The following NOS1 variants were observed in gnomAD, a reference collection of about 807,000 sequenced individuals.
The protein encoded by NOS1 is NOS type I.
In NOS1, 51 loss-of-function variants were observed where a neutral mutation model predicts 164.5. The observed-to-expected ratio is 0.31, with a 90% CI of 0.25 to 0.39. The LOEUF is 0.39. Among genes scored for constraint, NOS1 ranks in the 10% least tolerant of loss-of-function variants. The probability of loss-of-function intolerance (pLI) is 1.00; values close to 1 mark genes in which losing one functional copy is unlikely to be tolerated. For missense variants in NOS1, 1,362 were observed against 1,885.6 expected (o/e 0.72, Z 5.14); for synonymous variants, 719 against 745.8 (o/e 0.96, Z 0.59).
intron 1 of NOS1, among the ~76,000 whole-genome samples, chr12:117,333,639 G>C (rs1875658119): frequency 6.6e-6 from 1 of 152,128 alleles, no homozygotes. Flanking sequence ...TGAATCCCCG[G>C]GCTCAGCCTG....
At chr12:117,215,728 C>T (rs542976767) in intron 28 of NOS1, among the ~76,000 whole-genome samples, 9 of 152,236 alleles carry the variant, frequency 5.9e-5, no homozygotes, top group South Asian at 4.1e-4. Context: ...CCACTGCACC[C>T]GGCCCGTCTC....
intron 28 of NOS1, among the ~76,000 whole-genome samples, chr12:117,215,901 A>C (rs1956602370): frequency 8.2e-6 from 1 of 121,934 alleles, no homozygotes; most frequent in Non-Finnish European, 1.6e-5. Flanking sequence ...TTTGAGACTG[A>C]GAGTCTCACT....
chr12:117,222,505 T>C (rs989470081), intron 26 of NOS1, among the ~76,000 whole-genome samples: 4 of 152,034 alleles, frequency 2.6e-5, no homozygotes, highest in Admixed American at 6.5e-5. Flanking sequence ...CCACCTGCCT[T>C]GGCCTCCCAA....
intron 17 of NOS1, among the ~76,000 whole-genome samples, chr12:117,251,054 G>A (rs549102264): frequency 5.3e-5 from 8 of 152,304 alleles, no homozygotes; most frequent in African/African-American, 1.9e-4. Context: ...GCCTTTGGGA[G>A]ATGATTAGGT....
Position 117,218,184 on chromosome 12 carries a change from A to G in NOS1, c.4171-20T>C, listed in dbSNP as rs749519492. ...GTCATCCTAGAAGACAGAAACAGCCAGAAAACAGCTCTCAAATGCCAGATA... is the reference window on the plus strand; with the variant it reads ...GTCATCCTAGAAGACAGAAACAGCCGGAAAACAGCTCTCAAATGCCAGATA... On this transcript the variant is annotated intron_variant, in intron 27 of 28. Coordinates refer to ENST00000317775, the MANE Select transcript of NOS1 (RefSeq NM_000620.5). 2 of 1,570,020 alleles carry G rather than the reference A, an allele frequency of 1.3e-6. No individual in the cohort carries two copies. Among genetic ancestry groups the G allele is most frequent in the Non-Finnish European group, 1.8e-6 (2 of 1,140,012 alleles).
chr12:117,331,252 T>C lies in NOS1; in HGVS notation c.-183A>G. 1 of 675,350 alleles carries C rather than the reference T, an allele frequency of 1.5e-6. No individual in the cohort carries two copies. Among genetic ancestry groups the C allele is most frequent in the Non-Finnish European group, 2.4e-6 (1 of 412,296 alleles). The allele number at this position is 675,350 out of a possible 1,614,324, so 41.8% of individuals were successfully genotyped here. On this transcript the variant is annotated 5_prime_UTR_variant, in exon 2 of 29. Coordinates refer to ENST00000317775, the MANE Select transcript of NOS1 (RefSeq NM_000620.5). ...CTCAGCGTCACCCACTCATGGCTGG[T>C]GGCCCGTCGGTGGCATGATTTCCTG...
At chr12:117,348,586 T>TA (rs1876468636) in intron 1 of NOS1, among the ~76,000 whole-genome samples, 1 of 152,234 alleles carries the variant, frequency 6.6e-6, no homozygotes, top group Non-Finnish European at 1.5e-5. Context: ...TTAGATACTA[T>TA]AGCCTCATCC....
At chr12:117,310,082 A>ACCCAGC in intron 3 of NOS1, among the ~76,000 whole-genome samples, 1 of 151,778 alleles carries the variant, frequency 6.6e-6, no homozygotes, top group South Asian at 2.1e-4. Flanking sequence ...AATTTTTGTT[A>ACCCAGC]TTTTTTTTAG....
chr12:117,248,895 G>A (rs1870870040), intron 17 of NOS1, among the ~76,000 whole-genome samples: 1 of 152,108 alleles, frequency 6.6e-6, no homozygotes, highest in South Asian at 2.1e-4. Flanking sequence ...CATTCTAACT[G>A]GTGTGAGACG....
rs1002341976 is a variant in NOS1, at chr12:117,234,982, G to C, written c.3042-224C>G. Among the ~76,000 whole-genome samples, 3 of 151,956 alleles carry C rather than the reference G, an allele frequency of 2.0e-5. No homozygotes were observed. Among genetic ancestry groups the C allele is most frequent in the Admixed American group, 2.0e-4 (3 of 15,240 alleles). ...CACCCTGGCTGGAGTGCAGTGGTGC[G>C]ATCACGGCTCACTGCAGCCTCTATC... On this transcript the variant is annotated intron_variant, in intron 20 of 28. Transcript: ENST00000317775. The surrounding 1 kb of genome is among the most constrained non-coding windows in gnomAD (Gnocchi z 4.3).
chr12:117,319,633 A>T (rs1874823370), intron 2 of NOS1, among the ~76,000 whole-genome samples: 1 of 151,594 alleles, frequency 6.6e-6, no homozygotes, highest in Non-Finnish European at 1.5e-5. Flanking sequence ...AGTTCTGTGG[A>T]TTTTTTTTTA....
At position 117,208,655 on chromosome 12, in the gene NOS1, T is replaced by C; in HGVS notation, c.*6654A>G. 2.6e-6 allele frequency: 3 copies of C among 1,139,194 alleles called. No individual in the cohort carries two copies. Among genetic ancestry groups the C allele is most frequent in the Non-Finnish European group, 3.3e-6 (3 of 915,744 alleles). 70.6% of individuals were successfully genotyped at this position (1,139,194 alleles called of 1,614,324 possible). A position where few individuals can be genotyped will look rare whatever the true frequency, so the allele number is the denominator to read the frequency against. On this transcript the variant is annotated 3_prime_UTR_variant, in exon 29 of 29. Transcript: ENST00000317775. Reference sequence around the variant, plus strand: ...AAGAGCACTGGATCTCAGTGAGTCTTAATCAGAACCAACACCAAGGACACA... The same window carrying C: ...AAGAGCACTGGATCTCAGTGAGTCTCAATCAGAACCAACACCAAGGACACA...
intron 21 of NOS1, among the ~76,000 whole-genome samples, chr12:117,233,034 CTTTTT>C (rs34474757): frequency 1.2e-4 from 11 of 88,370 alleles, no homozygotes; most frequent in South Asian, 9.5e-4. Flanking sequence ...TGCCTCACTA[CTTTTT>C]TTTTTTTTTT....
At chr12:117,226,079 G>T (rs1276991260) in intron 24 of NOS1, among the ~76,000 whole-genome samples, 1 of 152,224 alleles carries the variant, frequency 6.6e-6, no homozygotes, top group African/African-American at 2.4e-5. Context: ...AAACACCCCA[G>T]AGGACTCTGA....
chr12:117,209,185 A>C lies in NOS1; in HGVS notation c.*6124T>G, dbSNP rs1221312151. The C allele has an allele frequency of 4.1e-6, 4 of 985,272 alleles. No homozygotes were observed. The highest frequency in any genetic ancestry group is 4.8e-6 in the Non-Finnish European group (4 of 829,908). The allele number at this position is 985,272 out of a possible 1,614,324, so 61.0% of individuals were successfully genotyped here. A position where few individuals can be genotyped will look rare whatever the true frequency, so the allele number is the denominator to read the frequency against. ...AATGAGAAGTCCTGGGGTAGCCAGC[A>C]GAGATTCTCTTGACCCTGAAGTCCA... On this transcript the variant is annotated 3_prime_UTR_variant, in exon 29 of 29. Transcript: ENST00000317775.
At chr12:117,222,288 C>A (rs1364043725) in intron 26 of NOS1, among the ~76,000 whole-genome samples, 2 of 152,066 alleles carry the variant, frequency 1.3e-5, no homozygotes, top group Non-Finnish European at 2.9e-5. Context: ...TGGAGTCTCA[C>A]TTTGTCACCC....
Position 117,209,915 on chromosome 12 carries a change from C to T in NOS1, c.*5394G>A. 1 of 985,530 alleles carries T rather than the reference C, an allele frequency of 1.0e-6. No homozygotes were observed. The highest frequency in any genetic ancestry group is 1.2e-6 in the Non-Finnish European group (1 of 829,986). The allele number at this position is 985,530 out of a possible 1,614,324, so 61.0% of individuals were successfully genotyped here. A position where few individuals can be genotyped will look rare whatever the true frequency, so the allele number is the denominator to read the frequency against. ...ACATCTATGTTGACTCCCTGGGAGGCAGGCCCCTTCCCTCAGACCCTCAGA... is the reference window on the plus strand; with the variant it reads ...ACATCTATGTTGACTCCCTGGGAGGTAGGCCCCTTCCCTCAGACCCTCAGA... On this transcript the variant is annotated 3_prime_UTR_variant, in exon 29 of 29. Transcript: ENST00000317775.
rs367889506 is a variant in NOS1 at position 117,243,380 on chromosome 12, T to C, written c.2879A>G (p.Asn960Ser). ...GDDVNIEKAN[N>S]SLISNDRSWK... ...GCTGCGATCATTGCTGATGAGGGAA[T>C]TGTTGGCCTTTTCAATGTTGACATC... The change falls in exon 19 of 29, where the codon AAT (asparagine) becomes AGT (serine). Residue 960 changes from asparagine (N) to serine (S), a missense_variant. Around this residue, in one of 4 missense-constraint regions of NOS1, gnomAD observed 737 missense variants for 1,030.3 expected, o/e 0.72. Coordinates refer to ENST00000317775, the MANE Select transcript of NOS1 (RefSeq NM_000620.5). The surrounding 1 kb of genome is among the most constrained non-coding windows in gnomAD (Gnocchi z 4.3). The C allele has an allele frequency of 1.9e-6, 3 of 1,614,102 alleles. No homozygotes were observed. The highest frequency in any genetic ancestry group is 2.5e-6 in the Non-Finnish European group (3 of 1,180,034).
chr12:117,214,596 A>G lies in NOS1; in HGVS notation c.*713T>C, dbSNP rs1320356653. On this transcript the variant is annotated 3_prime_UTR_variant, in exon 29 of 29. Transcript: ENST00000317775. ...GGGAATGCCTCTTTCATTGGGAGAC[A>G]GCCCCTTTAATCAATTTCCCACTCC... 25 of 985,324 alleles carry G rather than the reference A, an allele frequency of 2.5e-5. No individual in the cohort carries two copies. The highest frequency in any genetic ancestry group is 2.8e-5 in the Non-Finnish European group (23 of 829,966). The allele number at this position is 985,324 out of a possible 1,614,324, so 61.0% of individuals were successfully genotyped here. A position where few individuals can be genotyped will look rare whatever the true frequency, so the allele number is the denominator to read the frequency against.
Sources: gnomAD v4.1 joint callset for allele counts (sites outside exome capture counted in the v4.1 genomes callset) on GRCh38, gnomAD v4.1.1 for gene constraint, gnomAD v4.1.1 regional missense constraint, Gnocchi (gnomAD v3.1) non-coding constraint, MANE v1.5 for transcripts, NCBI Gene and HGNC (gene_info 2026-07-23, HGNC 2026-07-21) for gene names.